CRTC1: variants seen among roughly 807,000 people sequenced by gnomAD.
The protein encoded by CRTC1 is CREB regulated transcription coactivator 1.
A neutral mutation model predicts 66.1 loss-of-function variants in CRTC1; 18 were observed. That is an observed-to-expected ratio of 0.27 (90% CI 0.19 to 0.40). The LOEUF is 0.40. Ranked by LOEUF, CRTC1 falls within the 10% of genes least tolerant of loss-of-function variation. The probability of loss-of-function intolerance (pLI) is 1.00; values close to 1 mark genes in which losing one functional copy is unlikely to be tolerated. For missense variants in CRTC1, 669 were observed against 887.9 expected, an observed-to-expected ratio of 0.75 and a Z score of 3.13; for synonymous variants, 416 against 398.8, an observed-to-expected ratio of 1.04 and a Z score of -0.51.
chr19:18,764,268 C>T (rs1248646597), intron 8 of CRTC1, among the ~76,000 whole-genome samples: 1 of 152,260 alleles, frequency 6.6e-6, no homozygotes, highest in African/African-American at 2.4e-5. Flanking sequence ...GGCTTCACCC[C>T]CGCCTTGACT....
At chr19:18,758,620 G>A (rs2054546080) in intron 6 of CRTC1, among the ~76,000 whole-genome samples, 1 of 152,208 alleles carries the variant, frequency 6.6e-6, no homozygotes, top group South Asian at 2.1e-4. Context: ...GGGACTCTCA[G>A]GAAGTAGCAG....
At chr19:18,686,643 T>C (rs2052690432) in intron 1 of CRTC1, among the ~76,000 whole-genome samples, 1 of 152,124 alleles carries the variant, frequency 6.6e-6, no homozygotes, top group East Asian at 1.9e-4. Flanking sequence ...TGAGACTCCA[T>C]CTCAAAACAA....
chr19:18,752,639 T>C (rs954905552), intron 5 of CRTC1, among the ~76,000 whole-genome samples: 7 of 151,100 alleles, frequency 4.6e-5, no homozygotes, highest in African/African-American at 1.5e-4. Context: ...TTGTCTCTCT[T>C]TCTTTCTTTT....
chr19:18,720,656 A>G (rs1466862618), intron 1 of CRTC1, among the ~76,000 whole-genome samples: 2 of 148,614 alleles, frequency 1.3e-5, no homozygotes. Flanking sequence ...GTGAGCCACC[A>G]CGCCCGGCCT....
Position 18,760,576 on chromosome 19 carries a change from G to T in CRTC1, c.886+348G>T, listed in dbSNP as rs921085859. Among the ~76,000 whole-genome samples, 17 of 151,904 alleles carry T rather than the reference G, an allele frequency of 1.1e-4. No individual in the cohort carries two copies. Among genetic ancestry groups the T allele is most frequent in the Non-Finnish European group, 2.5e-4 (17 of 67,876 alleles). On this transcript the variant is annotated intron_variant, in intron 8 of 13. Coordinates refer to ENST00000321949, the MANE Select transcript of CRTC1 (RefSeq NM_015321.3). This position sits in a 1 kb window ranked among gnomAD's most constrained non-coding sequence, Gnocchi z 6.2. The stretch of plus-strand genomic sequence containing the variant: ...CCTCCTCGACCCCAGCCCCTCATTG[G>T]GGGGCGGGACCAGGCCTGACCTGCT...
chr19:18,720,690 C>T (rs192458898), intron 1 of CRTC1, among the ~76,000 whole-genome samples: 18 of 152,186 alleles, frequency 1.2e-4, no homozygotes, highest in African/African-American at 4.1e-4. Context: ...TCAGTAGAGA[C>T]GGGGTTTCAT....
At chr19:18,753,005 C>T (rs143114206) in intron 5 of CRTC1, among the ~76,000 whole-genome samples, 3,967 of 151,702 alleles carry the variant, frequency 0.026, 86 homozygotes, top group Non-Finnish European at 0.045. Flanking sequence ...GTGGCGCACA[C>T]CTGTAATCCC....
In CRTC1 at chr19:18,771,594, T is replaced by A. The variant is rs1377689291; in HGVS notation, c.1425+48T>A. The A allele has an allele frequency of 7.0e-7, 1 of 1,429,274 alleles. No individual in the cohort carries two copies. The highest frequency in any genetic ancestry group is 9.8e-7 in the Non-Finnish European group (1 of 1,024,360). The allele number at this position is 1,429,274 out of a possible 1,614,324, so 88.5% of individuals were successfully genotyped here. On this transcript the variant is annotated intron_variant, in intron 11 of 13. Transcript: ENST00000321949. This position sits in a 1 kb window ranked among gnomAD's most constrained non-coding sequence, Gnocchi z 4.6. ...TGGCCTGTGGGCTCCACGCTTGTCT[T>A]GTTCATGCCCCGTGTGTTCCCTGCC...
At chr19:18,743,275 C>G (rs950715313) in intron 2 of CRTC1, among the ~76,000 whole-genome samples, 1 of 152,262 alleles carries the variant, frequency 6.6e-6, no homozygotes, top group African/African-American at 2.4e-5. Context: ...TTTCGGCAGC[C>G]GCTACACCTG....
Position 18,768,813 on chromosome 19 carries a change from C to T in CRTC1, c.1320+20C>T. 1.3e-6 allele frequency: 2 copies of T among 1,580,188 alleles called. No individual in the cohort carries two copies. The highest frequency in any genetic ancestry group is 1.7e-6 in the Non-Finnish European group (2 of 1,164,180). On this transcript the variant is annotated intron_variant, in intron 10 of 13. Coordinates refer to ENST00000321949, the MANE Select transcript of CRTC1 (RefSeq NM_015321.3). This position sits in a 1 kb window ranked among gnomAD's most constrained non-coding sequence, Gnocchi z 5.6. The stretch of plus-strand genomic sequence containing the variant: ...GCCTCGGTAAGCCCAGGGTGGGGTC[C>T]CTCGGGGCCTGACTGGGGGTCTTGT...
chr19:18,759,379 G>T (rs1227635286), intron 6 of CRTC1, among the ~76,000 whole-genome samples, 172 bp from the exon 7 acceptor site: 1 of 152,168 alleles, frequency 6.6e-6, no homozygotes, highest in African/African-American at 2.4e-5. Context: ...CCACCCTGGG[G>T]CGGTGCCCCT....
intron 1 of CRTC1, among the ~76,000 whole-genome samples, chr19:18,727,618 C>T (rs2145660447): frequency 7.0e-6 from 1 of 142,874 alleles, no homozygotes; most frequent in African/African-American, 2.6e-5. Flanking sequence ...GGGAAAAGGA[C>T]ACAAGCAGAC....
At position 18,781,753 on chromosome 19, in the gene CRTC1, G is replaced by C. The variant is rs2055108455; in HGVS notation, c.*4371G>C. 1.7e-5 allele frequency: 4 copies of C among 230,490 alleles called. No individual in the cohort carries two copies. The South Asian group carries it at 7.3e-4, about 42-fold the overall frequency. The allele number at this position is 230,490 out of a possible 1,614,324, so 14.3% of individuals were successfully genotyped here. ...GGATGGGGGGCAGGGGCTGGGCCTT[G>C]GGGTGGTGCTGGCTCTGATGATTCC... On this transcript the variant is annotated 3_prime_UTR_variant, in exon 14 of 14. Coordinates refer to ENST00000321949, the MANE Select transcript of CRTC1 (RefSeq NM_015321.3).
In CRTC1 at chr19:18,721,045, C is replaced by T. The variant is rs183842995; in HGVS notation, c.127-21865C>T. On this transcript the variant is annotated intron_variant, in intron 1 of 13. Transcript: ENST00000321949. ...TCTAGGGGAGGATCCTTCCTGCCTC[C>T]TCCAGCTTCAGTGGCTCTAGGCGCT... Among the ~76,000 whole-genome samples, 10 of 152,284 alleles carry T rather than the reference C, an allele frequency of 6.6e-5. No homozygotes were observed. The East Asian group carries it at 1.2e-3, about 18-fold the overall frequency.
rs34250610 is a variant in CRTC1 at position 18,767,657 on chromosome 19, A to G, written c.1012-828A>G. ...CTTACAAAGGTGTCTTATTCAGATC[A>G]AGATCCAGACAGAGCTGTGGGCGCT... On this transcript the variant is annotated intron_variant, in intron 9 of 13. Coordinates refer to ENST00000321949, the MANE Select transcript of CRTC1 (RefSeq NM_015321.3). Among the ~76,000 whole-genome samples, 382 of 152,234 alleles carry G rather than the reference A, an allele frequency of 2.5e-3. 2 individuals are homozygous for G. The highest frequency in any genetic ancestry group is 3.3e-3 in the Admixed American group (51 of 15,292).
At position 18,777,708 on chromosome 19, in the gene CRTC1, G is replaced by A. The variant is rs1367633705; in HGVS notation, c.*326G>A. ...AGCCGTCCCCTGTAAGATGCGGGAA[G>A]TGTCAGCTCCCGGCGTGGCGGGCAG... On this transcript the variant is annotated 3_prime_UTR_variant, in exon 14 of 14. Coordinates refer to ENST00000321949, the MANE Select transcript of CRTC1 (RefSeq NM_015321.3). This position sits in a 1 kb window ranked among gnomAD's most constrained non-coding sequence, Gnocchi z 5.5. 4 of 380,984 alleles carry A rather than the reference G, an allele frequency of 1.0e-5. No homozygotes were observed. The highest frequency in any genetic ancestry group is 4.3e-5 in the African/African-American group (2 of 46,810). The allele number at this position is 380,984 out of a possible 1,614,324, so 23.6% of individuals were successfully genotyped here. A position where few individuals can be genotyped will look rare whatever the true frequency, so the allele number is the denominator to read the frequency against.
At chr19:18,762,346 T>C (rs1254017785) in intron 8 of CRTC1, among the ~76,000 whole-genome samples, 1 of 152,190 alleles carries the variant, frequency 6.6e-6, no homozygotes, top group Non-Finnish European at 1.5e-5. Flanking sequence ...GGGTTGTTTG[T>C]GAACCTGCCG....
intron 1 of CRTC1, among the ~76,000 whole-genome samples, chr19:18,709,578 C>T (rs2053342381): frequency 6.6e-6 from 1 of 152,170 alleles, no homozygotes; most frequent in Non-Finnish European, 1.5e-5. Flanking sequence ...GGGGCTGTGT[C>T]TGAGCAAGGC....
At chr19:18,721,200 T>G (rs1020095800) in intron 1 of CRTC1, among the ~76,000 whole-genome samples, 2 of 151,646 alleles carry the variant, frequency 1.3e-5, no homozygotes, top group Non-Finnish European at 2.9e-5. Flanking sequence ...CCTCTGTTTT[T>G]TTTTTTTTTT....
Sources: gnomAD v4.1 joint callset for allele counts (sites outside exome capture counted in the v4.1 genomes callset) on GRCh38, gnomAD v4.1.1 for gene constraint, Gnocchi (gnomAD v3.1) non-coding constraint, MANE v1.5 for transcripts, NCBI Gene and HGNC (gene_info 2026-07-23, HGNC 2026-07-21) for gene names.